The following SETBP1 variants were observed in gnomAD, a reference collection of about 807,000 sequenced individuals.
SETBP1 encodes SET-binding protein.
In SETBP1, 9 loss-of-function variants were observed where a neutral mutation model predicts 101.0. The observed-to-expected ratio is 0.09, with a 90% CI of 0.05 to 0.16. The LOEUF is 0.16. Ranked by LOEUF, SETBP1 falls within the 10% of genes least tolerant of loss-of-function variation. SETBP1 has a pLI of 1.00. For synonymous variants in SETBP1, 818 were observed against 788.5 expected (o/e 1.04, Z -0.63); for missense variants, 1,858 against 2,033.8 (o/e 0.91, Z 1.66).
chr18:44,819,968 G>T (rs1411157776), intron 2 of SETBP1, among the ~76,000 whole-genome samples: 1 of 152,208 alleles, frequency 6.6e-6, no homozygotes, highest in East Asian at 1.9e-4. Context: ...AAAAAAAGTT[G>T]CCTTGCTGTA....
intron 2 of SETBP1, among the ~76,000 whole-genome samples, chr18:44,777,958 C>T (rs1395093979): frequency 1.3e-5 from 2 of 152,218 alleles, no homozygotes; most frequent in African/African-American, 2.4e-5. Context: ...GTTCTATTTA[C>T]AATCTCTAAG....
intron 3 of SETBP1, among the ~76,000 whole-genome samples, chr18:44,905,535 T>C (rs16978223): frequency 0.12 from 18,206 of 152,066 alleles, 1,137 homozygotes; most frequent in East Asian, 0.19. Context: ...ATTTCAGTTA[T>C]GGGTGCTAAG....
At chr18:44,911,779 G>GGTTCCCTA (rs1365320696) in intron 3 of SETBP1, among the ~76,000 whole-genome samples, 16 of 152,286 alleles carry the variant, frequency 1.1e-4, no homozygotes, top group African/African-American at 3.4e-4. Context: ...TTCCCTAATA[G>GGTTCCCTA]ACATTCAACC....
At chr18:44,793,259 T>C (rs2071403577) in intron 2 of SETBP1, among the ~76,000 whole-genome samples, 1 of 152,252 alleles carries the variant, frequency 6.6e-6, no homozygotes, top group Non-Finnish European at 1.5e-5. Flanking sequence ...ATCAGTGTTC[T>C]AAACCTTTGC....
At chr18:44,805,500 G>T (rs1186676755) in intron 2 of SETBP1, among the ~76,000 whole-genome samples, 18 of 151,806 alleles carry the variant, frequency 1.2e-4, no homozygotes, top group Admixed American at 1.2e-3. Flanking sequence ...TCAATTCTAT[G>T]CTCAAATCTC....
intron 2 of SETBP1, among the ~76,000 whole-genome samples, chr18:44,835,273 G>C (rs1427034251): frequency 6.6e-6 from 1 of 152,078 alleles, no homozygotes; most frequent in Non-Finnish European, 1.5e-5. Context: ...TCTCGAAGAG[G>C]CCCTTGGGTG....
chr18:45,030,689 G>C (rs570913935), intron 4 of SETBP1, among the ~76,000 whole-genome samples: 1 of 149,364 alleles, frequency 6.7e-6, no homozygotes, highest in African/African-American at 2.5e-5. Flanking sequence ...CAATTTCAGA[G>C]CCTGTTATTG....
At chr18:44,940,215 T>C (rs2071055206) in intron 3 of SETBP1, among the ~76,000 whole-genome samples, 1 of 152,216 alleles carries the variant, frequency 6.6e-6, no homozygotes, top group East Asian at 1.9e-4. Flanking sequence ...TTAGTGTTTG[T>C]GTGGTATGTC....
chr18:45,040,782 C>T (rs1456079987), intron 5 of SETBP1, among the ~76,000 whole-genome samples: 1 of 152,214 alleles, frequency 6.6e-6, no homozygotes, highest in Non-Finnish European at 1.5e-5. Context: ...CAGAGCTGAG[C>T]CCAGACTCCC....
At chr18:45,020,797 C>G (rs542593270) in intron 4 of SETBP1, among the ~76,000 whole-genome samples, 77 of 152,294 alleles carry the variant, frequency 5.1e-4, no homozygotes, top group Middle Eastern at 3.4e-3. Context: ...TGCTCCTGTC[C>G]AGCATGGTCT....
intron 2 of SETBP1, among the ~76,000 whole-genome samples, chr18:44,847,380 G>C (rs1225365395): frequency 2.0e-5 from 3 of 152,148 alleles, no homozygotes; most frequent in African/African-American, 7.2e-5. Context: ...CCTTTCCTCC[G>C]TGCCTTCTGG....
At chr18:44,808,619 T>C (rs183845895) in intron 2 of SETBP1, among the ~76,000 whole-genome samples, 106 of 152,206 alleles carry the variant, frequency 7.0e-4, no homozygotes, top group Admixed American at 3.8e-3. Flanking sequence ...GAGATCAGCT[T>C]TTCTGGAACA....
chr18:44,839,073 T>TAA (rs11295119), intron 2 of SETBP1, among the ~76,000 whole-genome samples: 19 of 146,268 alleles, frequency 1.3e-4, no homozygotes, highest in Admixed American at 3.4e-4. Flanking sequence ...CTTAATATCT[T>TAA]AAAAAAAAAA....
At chr18:44,922,555 C>T (rs1221509628) in intron 3 of SETBP1, among the ~76,000 whole-genome samples, 2 of 152,196 alleles carry the variant, frequency 1.3e-5, no homozygotes, top group African/African-American at 4.8e-5. Context: ...GTAATTATCT[C>T]CTGCTTCCTG....
At chr18:44,804,311 A>G (rs1422759476) in intron 2 of SETBP1, among the ~76,000 whole-genome samples, 1 of 152,126 alleles carries the variant, frequency 6.6e-6, no homozygotes, top group Non-Finnish European at 1.5e-5. Context: ...GGCGATTTTG[A>G]CCAAAATGTT....
chr18:45,006,552 C>T (rs1388752912), intron 4 of SETBP1, among the ~76,000 whole-genome samples: 1 of 152,190 alleles, frequency 6.6e-6, no homozygotes, highest in Non-Finnish European at 1.5e-5. Flanking sequence ...TGGTGGTTTG[C>T]TGGCAACCTC....
intron 2 of SETBP1, among the ~76,000 whole-genome samples, chr18:44,864,118 A>G (rs949425823): frequency 5.3e-5 from 8 of 152,152 alleles, no homozygotes; most frequent in Non-Finnish European, 1.2e-4. Flanking sequence ...CAGAGGGGAA[A>G]AAAATGGAGT....
intron 2 of SETBP1, among the ~76,000 whole-genome samples, chr18:44,753,566 A>G (rs942470694): frequency 2.6e-5 from 4 of 152,334 alleles, no homozygotes; most frequent in African/African-American, 9.6e-5. Flanking sequence ...CCCACACCCA[A>G]GGAAATTCAT....
At chr18:44,799,933 A>C (rs1259822153) in intron 2 of SETBP1, among the ~76,000 whole-genome samples, 1 of 152,204 alleles carries the variant, frequency 6.6e-6, no homozygotes, top group East Asian at 1.9e-4. Context: ...CAAGGGCAAG[A>C]TGTCCTGCCC....
Sources: gnomAD v4.1 joint callset for allele counts (sites outside exome capture counted in the v4.1 genomes callset) on GRCh38, gnomAD v4.1.1 for gene constraint, MANE v1.5 for transcripts, NCBI Gene and HGNC (gene_info 2026-07-23, HGNC 2026-07-21) for gene names.